PTPRO: variants seen among roughly 807,000 people sequenced by gnomAD.
PTPRO encodes protein tyrosine phosphatase receptor type O.
A neutral mutation model predicts 145.2 loss-of-function variants in PTPRO; 62 were observed. That is an observed-to-expected ratio of 0.43 (90% CI 0.35 to 0.53). The LOEUF is 0.53. Among genes scored for constraint, PTPRO ranks in the 20% least tolerant of loss-of-function variants. PTPRO has a pLI of 0.01. For synonymous variants in PTPRO, 565 were observed against 514.7 expected (o/e 1.10, Z -1.32); for missense variants, 1,345 against 1,482.7 (o/e 0.91, Z 1.53).
At chr12:15,472,798 C>T (rs1941571543) in intron 1 of PTPRO, among the ~76,000 whole-genome samples, 1 of 152,118 alleles carries the variant, frequency 6.6e-6, no homozygotes, top group South Asian at 2.1e-4. Context: ...ATGAGTGTGA[C>T]CAGGACCTCA....
chr12:15,504,740 C>T (rs1186202445), intron 6 of PTPRO, among the ~76,000 whole-genome samples: 3 of 152,100 alleles, frequency 2.0e-5, no homozygotes, highest in Non-Finnish European at 2.9e-5. Context: ...TATGTGCCTC[C>T]GATCAGTAGA....
chr12:15,432,298 C>T (rs1940462868), intron 1 of PTPRO, among the ~76,000 whole-genome samples: 1 of 152,166 alleles, frequency 6.6e-6, no homozygotes, highest in Non-Finnish European at 1.5e-5. Flanking sequence ...ATAATGGCCT[C>T]CAGCTCCATG....
At chr12:15,537,958 G>A (rs1273787676) in intron 12 of PTPRO, among the ~76,000 whole-genome samples, 3 of 152,182 alleles carry the variant, frequency 2.0e-5, no homozygotes, top group African/African-American at 7.2e-5. Flanking sequence ...TCTTCTGATT[G>A]ACTTCTTGTA....
chr12:15,394,001 A>G (rs918477089), intron 1 of PTPRO, among the ~76,000 whole-genome samples: 4 of 152,152 alleles, frequency 2.6e-5, no homozygotes, highest in Admixed American at 6.5e-5. Context: ...CGCTCTTGTG[A>G]CAACCAACCA....
At chr12:15,400,195 G>A (rs1204631466) in intron 1 of PTPRO, among the ~76,000 whole-genome samples, 1 of 151,600 alleles carries the variant, frequency 6.6e-6, no homozygotes, top group East Asian at 2.0e-4. Context: ...TCACCATGTT[G>A]GCCATGGCTA....
chr12:15,586,819 G>A (rs1944438786), intron 23 of PTPRO, 78 bp from the exon 24 acceptor site: 2 of 1,552,188 alleles, frequency 1.3e-6, no homozygotes, highest in African/African-American at 2.7e-5. Flanking sequence ...CTTTTTGCAT[G>A]CTTAACTAGC....
intron 1 of PTPRO, among the ~76,000 whole-genome samples, chr12:15,390,836 A>G (rs1049859588): frequency 5.3e-5 from 8 of 152,338 alleles, no homozygotes; most frequent in Middle Eastern, 6.8e-3. Flanking sequence ...ACAAAATGCC[A>G]TAGACTGAGT....
intron 1 of PTPRO, among the ~76,000 whole-genome samples, chr12:15,360,962 A>G (rs1938184833): frequency 6.7e-6 from 1 of 148,244 alleles, no homozygotes; most frequent in South Asian, 2.1e-4. Context: ...ATACACACAC[A>G]TATATACACA....
At chr12:15,335,965 A>G (rs1240293103) in intron 1 of PTPRO, among the ~76,000 whole-genome samples, 1 of 152,142 alleles carries the variant, frequency 6.6e-6, no homozygotes, top group Non-Finnish European at 1.5e-5. Context: ...CCTCTTTACT[A>G]TATGGCTGCT....
chr12:15,511,214 A>G (rs78506272), intron 7 of PTPRO, among the ~76,000 whole-genome samples: 167 of 152,334 alleles, frequency 1.1e-3, no homozygotes, highest in African/African-American at 3.9e-3. Flanking sequence ...AAGGGGGAGC[A>G]GAGTGTGGAA....
In PTPRO at chr12:15,511,830, G is replaced by A. The variant is rs1490975556; in HGVS notation, c.1464+3063G>A. ...CTGCCCACCTCGGCCTTCCAAAGTG[G>A]TGGGATTACAGGCGTGAGCCACCGT... On this transcript the variant is annotated intron_variant, in intron 7 of 26. Transcript: ENST00000281171. Among the ~76,000 whole-genome samples the A allele has an allele frequency of 2.0e-5, 3 of 151,990 alleles. No individual in the cohort carries two copies. The East Asian group carries it at 5.8e-4, about 29-fold the overall frequency.
chr12:15,383,997 T>C (rs1336666482), intron 1 of PTPRO, among the ~76,000 whole-genome samples: 1 of 152,166 alleles, frequency 6.6e-6, no homozygotes, highest in Non-Finnish European at 1.5e-5. Flanking sequence ...CAGGGTAGAA[T>C]TGGGCATCTT....
intron 12 of PTPRO, among the ~76,000 whole-genome samples, chr12:15,528,063 G>T (rs1268872080): frequency 2.0e-5 from 3 of 151,990 alleles, no homozygotes; most frequent in African/African-American, 7.3e-5. Context: ...ACAAATTCTT[G>T]GTACTGGAAA....
intron 1 of PTPRO, among the ~76,000 whole-genome samples, chr12:15,401,770 T>C (rs572837945): frequency 3.0e-4 from 46 of 152,350 alleles, no homozygotes; most frequent in African/African-American, 9.6e-4. Context: ...AAAAGTAAGA[T>C]TGATTGCACA....
intron 14 of PTPRO, among the ~76,000 whole-genome samples, chr12:15,550,617 G>A (rs942489269): frequency 6.6e-6 from 1 of 152,142 alleles, no homozygotes; most frequent in Non-Finnish European, 1.5e-5. Context: ...GTACTCAAGC[G>A]AAAAAGCTCT....
chr12:15,581,945 G>C (rs1050264532), intron 23 of PTPRO, 144 bp downstream of exon 23: 1 of 1,113,852 alleles, frequency 9.0e-7, no homozygotes, highest in East Asian at 2.6e-5. Flanking sequence ...GGAAATCAGG[G>C]GTCTCACAGC....
In PTPRO at chr12:15,501,659, A is replaced by T; in HGVS notation, c.701A>T (p.Asn234Ile). 1 of 1,614,050 alleles carries T rather than the reference A, an allele frequency of 6.2e-7. No homozygotes were observed. The highest frequency in any genetic ancestry group is 8.5e-7 in the Non-Finnish European group (1 of 1,179,960). ...PPQNISVRIV[N>I]LNKNNWEEQS... Reference sequence around the variant, plus strand: ...CAAAATATTTCCGTTCGTATCGTAAACTTGAACAAAAACAACTGGGAAGAA... The same window carrying T: ...CAAAATATTTCCGTTCGTATCGTAATCTTGAACAAAAACAACTGGGAAGAA... Residue 234 changes from asparagine (N) to isoleucine (I), a missense_variant, in exon 5 of 27, where the codon AAC becomes ATC. This residue lies in a region of PTPRO where 1,130 missense variants were observed against 1,214.7 expected (regional missense o/e 0.93). Transcript: ENST00000281171.
chr12:15,463,156 G>A (rs1237402120), intron 1 of PTPRO, among the ~76,000 whole-genome samples: 5 of 152,018 alleles, frequency 3.3e-5, no homozygotes, highest in Non-Finnish European at 7.4e-5. Context: ...AATAAATCCT[G>A]GATACTTATG....
At chr12:15,525,060 G>T (rs1474184657) in intron 11 of PTPRO, 95 bp downstream of exon 11, 2 of 1,416,922 alleles carry the variant, frequency 1.4e-6, no homozygotes, top group African/African-American at 2.8e-5. Context: ...CACGTCAAAT[G>T]TTTGCATACC....
Sources: allele counts gnomAD v4.1 joint callset (sites outside exome capture counted in the v4.1 genomes callset), GRCh38; gene constraint gnomAD v4.1.1; regional missense constraint gnomAD v4.1.1; transcripts MANE v1.5; gene names NCBI Gene and HGNC (gene_info 2026-07-23, HGNC 2026-07-21).